CFI: variants seen among roughly 807,000 people sequenced by gnomAD.
CFI encodes complement factor I, also known as C3B/C4B inactivator.
In CFI, 66 loss-of-function variants were observed where a neutral mutation model predicts 78.8. The ratio of observed to expected loss-of-function variants is 0.84; its 90% CI spans 0.69 to 1.03. CFI has a LOEUF of 1.03. Ranked by LOEUF, CFI falls within the 50% of genes least tolerant of loss-of-function variation. CFI has a pLI of 0.00. For missense variants in CFI, 706 were observed against 704.5 expected (o/e 1.00, Z -0.02); for synonymous variants, 250 against 232.6 (o/e 1.07, Z -0.68).
chr4:109,749,300 C>G lies in CFI; in HGVS notation c.1066G>C (p.Ala356Pro), dbSNP rs781498531. ...GTGATTCCACTGGCATCCTTAATTGCCACCTGCCATGGGAGGTCTCCCTGT... is the reference window on the plus strand; with the variant it reads ...GTGATTCCACTGGCATCCTTAATTGGCACCTGCCATGGGAGGTCTCCCTGT... The part of the protein sequence containing the change: ...AQLGDLPWQV[A>P]IKDASGITCG... The change falls in exon 10 of 13, where the codon GCA becomes CCA. Residue 356 changes from alanine (A) to proline (P), a missense_variant. Transcript: ENST00000394634. 4.3e-6 allele frequency: 7 copies of G among 1,614,118 alleles called. No individual in the cohort carries two copies. The highest frequency in any genetic ancestry group is 5.9e-6 in the Non-Finnish European group (7 of 1,179,986).
At chr4:109,766,043 G>A (rs988041580) in intron 2 of CFI, among the ~76,000 whole-genome samples, 3 of 152,146 alleles carry the variant, frequency 2.0e-5, no homozygotes, top group African/African-American at 4.8e-5. Flanking sequence ...GCATGAACCC[G>A]GGAGGCAGAG....
intron 7 of CFI, among the ~76,000 whole-genome samples, chr4:109,756,538 A>T (rs1579202519): frequency 6.6e-6 from 1 of 152,048 alleles, no homozygotes; most frequent in Non-Finnish European, 1.5e-5. Context: ...TTTAGAGCAA[A>T]GGGTGGTCTT....
chr4:109,795,931 T>C (rs997354778), intron 1 of CFI, among the ~76,000 whole-genome samples: 3 of 152,172 alleles, frequency 2.0e-5, no homozygotes, highest in South Asian at 2.1e-4. Context: ...GAAAGAAAGC[T>C]TATTTAAATT....
Position 109,741,209 on chromosome 4 carries a change from A to G in CFI, c.1535-99T>C, listed in dbSNP as rs1294402512. On this transcript the variant is annotated intron_variant, in intron 12 of 12. Coordinates refer to ENST00000394634, the MANE Select transcript of CFI (RefSeq NM_000204.5). ...CATTTAACAACTTTGGCTTTTTTAC[A>G]GTTTCCTGACAGCAATAGCATGGGC... 4 of 1,589,862 alleles carry G rather than the reference A, an allele frequency of 2.5e-6. No homozygotes were observed. In the Admixed American group the frequency reaches 5.2e-5, roughly 21 times the overall value.
rs1220889550 is a variant in CFI at position 109,757,973 on chromosome 4, CA to C, written c.884-191del. ...GATGTCTAGCTGCTAAAACAAAAAA[CA>C]AAAAACTCACTATAGCAAAGAGATC... is the stretch of plus-strand genomic sequence containing the variant. On this transcript the variant is annotated intron_variant, in intron 6 of 12. Coordinates refer to ENST00000394634, the MANE Select transcript of CFI (RefSeq NM_000204.5). The C allele has an allele frequency of 3.4e-6, 5 of 1,456,134 alleles. No homozygotes were observed. The African/African-American group carries it at 5.8e-5, about 17-fold the overall frequency. 90.2% of individuals were successfully genotyped at this position (1,456,134 alleles called of 1,614,324 possible).
chr4:109,777,203 T>A (rs1297891979), intron 1 of CFI, among the ~76,000 whole-genome samples: 2 of 152,136 alleles, frequency 1.3e-5, no homozygotes, highest in East Asian at 3.8e-4. Context: ...TCAAGACCCA[T>A]CAGTGTGCTG....
At chr4:109,734,808 A>G in the CFI span, among the ~76,000 whole-genome samples, 1 of 152,214 alleles carries the variant, frequency 6.6e-6, no homozygotes, top group Admixed American at 6.5e-5. Context: ...TGTCTAAGAA[A>G]AAAGAAAAGA....
intron 4 of CFI, among the ~76,000 whole-genome samples, chr4:109,760,926 G>T (rs892060999): frequency 6.6e-6 from 1 of 152,092 alleles, no homozygotes; most frequent in Non-Finnish European, 1.5e-5. Context: ...ACAAACACTG[G>T]TTTCCACCCA....
At chr4:109,733,999 A>G in the CFI span, among the ~76,000 whole-genome samples, 2 of 151,956 alleles carry the variant, frequency 1.3e-5, no homozygotes, top group Non-Finnish European at 2.9e-5. Flanking sequence ...GCAAAACCTT[A>G]TCTCTATAAA....
intron 12 of CFI, 38 bp from the exon 13 acceptor site, chr4:109,741,148 C>T (rs1214864511): frequency 6.2e-7 from 1 of 1,612,994 alleles, no homozygotes; most frequent in Non-Finnish European, 8.5e-7. Context: ...CACACATTTC[C>T]TTCCATTTTT....
At chr4:109,736,980 C>T (rs909628366), downstream of CFI, among the ~76,000 whole-genome samples, 2 of 152,146 alleles carry the variant, frequency 1.3e-5, no homozygotes, top group African/African-American at 4.8e-5. Context: ...GTCTCAAATC[C>T]CTCTCCCTAG....
At position 109,749,594 on chromosome 4, in the gene CFI, G is replaced by A. The variant is rs121964917; in HGVS notation, c.949C>T (p.Arg317Trp). 111 of 1,590,590 alleles carry A rather than the reference G, an allele frequency of 7.0e-5. No homozygotes were observed. The highest frequency in any genetic ancestry group is 1.7e-4 in the Middle Eastern group (1 of 6,026). Residue 317 changes from arginine (R) to tryptophan (W), a missense_variant, in exon 9 of 13, where the codon CGG becomes TGG. Coordinates refer to ENST00000394634, the MANE Select transcript of CFI (RefSeq NM_000204.5). The stretch of plus-strand genomic sequence containing the variant: ...AGTTTAGGTAATAATGATTTTATCC[G>A]TCTTCTTTCTTCAAGAAAGGAAGAG... The part of the protein sequence containing the change: ...LTADMDAERR[R>W]IKSLLPKLSC...
At chr4:109,785,128 A>G (rs1378100724) in intron 1 of CFI, among the ~76,000 whole-genome samples, 2 of 151,960 alleles carry the variant, frequency 1.3e-5, no homozygotes, top group Non-Finnish European at 2.9e-5. Context: ...CCAAACCTAT[A>G]AGAACTAATG....
intron 6 of CFI, 146 bp from the exon 7 acceptor site, chr4:109,757,929 G>T: frequency 1.4e-6 from 2 of 1,448,168 alleles, no homozygotes; most frequent in South Asian, 2.7e-5. Flanking sequence ...TTATAAAAAT[G>T]ATTTACCTTG....
chr4:109,736,264 C>G (rs1723364494), downstream of CFI, among the ~76,000 whole-genome samples: 1 of 152,204 alleles, frequency 6.6e-6, no homozygotes, highest in African/African-American at 2.4e-5. Context: ...TTTATCAAGA[C>G]TCTTTTTCCT....
chr4:109,776,702 AT>A (rs1389338928), intron 1 of CFI, among the ~76,000 whole-genome samples: 3 of 152,236 alleles, frequency 2.0e-5, no homozygotes, highest in African/African-American at 7.2e-5. Context: ...GAAGGAAAAA[AT>A]ATTAAGGGCA....
chr4:109,788,515 G>A (rs1731011805), intron 1 of CFI, among the ~76,000 whole-genome samples: 2 of 151,960 alleles, frequency 1.3e-5, no homozygotes. Flanking sequence ...ATCTTTCAGT[G>A]ATATAGATTT....
intron 1 of CFI, among the ~76,000 whole-genome samples, chr4:109,767,486 T>C (rs563317889): frequency 0.014 from 2,074 of 150,702 alleles, 26 homozygotes; most frequent in Middle Eastern, 0.024. Flanking sequence ...TGAACAGACA[T>C]TTCTCAAAAG....
intron 1 of CFI, among the ~76,000 whole-genome samples, chr4:109,768,942 T>C (rs1187448622): frequency 2.0e-5 from 3 of 152,176 alleles, no homozygotes. Context: ...GAAACTGGCT[T>C]TTGACACAGT....
Sources: gnomAD v4.1 joint callset for allele counts (sites outside exome capture counted in the v4.1 genomes callset) on GRCh38, gnomAD v4.1.1 for gene constraint, MANE v1.5 for transcripts, NCBI Gene and HGNC (gene_info 2026-07-23, HGNC 2026-07-21) for gene names.